TMEM272: variants seen among roughly 807,000 people sequenced by gnomAD.
The protein encoded by TMEM272 is transmembrane protein 272.
In TMEM272, 8 loss-of-function variants were observed where a neutral mutation model predicts 3.7. The ratio of observed to expected loss-of-function variants is 2.17; its 90% CI spans 1.27 to 3.91. TMEM272 has a LOEUF of 3.91. TMEM272 is among the 30% of genes most tolerant of loss of function. The probability of loss-of-function intolerance (pLI) is 0.00; values close to 1 mark genes in which losing one functional copy is unlikely to be tolerated. For synonymous variants in TMEM272, 63 were observed against 39.8 expected (o/e 1.58, Z -2.20); for missense variants, 166 against 91.5 (o/e 1.81, Z -3.32).
the TMEM272 span, among the ~76,000 whole-genome samples, chr13:51,927,446 A>T: frequency 1.3e-5 from 2 of 152,226 alleles, no homozygotes; most frequent in Non-Finnish European, 2.9e-5. Flanking sequence ...TTCTTTAGGA[A>T]TTCATATCTA....
At chr13:51,860,802 AAAAT>A in the TMEM272 span, among the ~76,000 whole-genome samples, 356 of 142,554 alleles carry the variant, frequency 2.5e-3, 1 homozygote, top group Non-Finnish European at 4.3e-3. Context: ...ATATATAGAA[AAAAT>A]ATATATATAG....
Position 51,817,807 on chromosome 13 carries a change from A to T in TMEM272, c.202-694T>A, listed in dbSNP as rs983590203. On this transcript the variant is annotated intron_variant, in intron 4 of 4. Transcript: ENST00000629372. ...TGGGAGTGATACTCTTGGGGGACAGACCATCTGGGCCCCTGGTAGATGGTC... is the reference window on the plus strand; with the variant it reads ...TGGGAGTGATACTCTTGGGGGACAGTCCATCTGGGCCCCTGGTAGATGGTC... Among the ~76,000 whole-genome samples the T allele has an allele frequency of 3.9e-5, 6 of 152,094 alleles. No individual in the cohort carries two copies. The South Asian group carries it at 1.2e-3, about 32-fold the overall frequency.
the TMEM272 span, among the ~76,000 whole-genome samples, chr13:51,880,650 T>C: frequency 6.6e-6 from 1 of 152,204 alleles, no homozygotes; most frequent in Non-Finnish European, 1.5e-5. Context: ...CATATGCTAA[T>C]GACTAAAAGG....
chr13:51,847,054 C>A (rs1404431546), upstream of TMEM272, among the ~76,000 whole-genome samples: 1 of 152,120 alleles, frequency 6.6e-6, no homozygotes, highest in Non-Finnish European at 1.5e-5. Flanking sequence ...ATTTTTTAAT[C>A]CTTCATATCC....
the TMEM272 span, among the ~76,000 whole-genome samples, chr13:51,874,534 G>A: frequency 0.017 from 2,535 of 152,228 alleles, 79 homozygotes; most frequent in African/African-American, 0.059. Context: ...GCCACAGTAG[G>A]CGCTTCTCAT....
the TMEM272 span, among the ~76,000 whole-genome samples, chr13:51,854,555 T>C: frequency 6.6e-6 from 1 of 152,216 alleles, no homozygotes; most frequent in South Asian, 2.1e-4. Context: ...GCCTATGTTA[T>C]TATAGTAACC....
the TMEM272 span, among the ~76,000 whole-genome samples, chr13:51,889,382 T>C: frequency 6.6e-6 from 1 of 152,112 alleles, no homozygotes; most frequent in African/African-American, 2.4e-5. Flanking sequence ...AATGAGGTCA[T>C]AAGGGTGAGA....
the TMEM272 span, among the ~76,000 whole-genome samples, chr13:51,911,808 C>T: frequency 7.2e-5 from 11 of 152,096 alleles, no homozygotes; most frequent in African/African-American, 1.9e-4. Context: ...TAAACTTGCC[C>T]GAGACAGAGC....
the TMEM272 span, among the ~76,000 whole-genome samples, chr13:51,927,958 G>C: frequency 6.6e-6 from 1 of 152,020 alleles, no homozygotes; most frequent in African/African-American, 2.4e-5. Flanking sequence ...TTCCTTGAGG[G>C]GTACAGTCGG....
chr13:51,896,260 G>A, the TMEM272 span, among the ~76,000 whole-genome samples: 1 of 152,210 alleles, frequency 6.6e-6, no homozygotes, highest in Non-Finnish European at 1.5e-5. Flanking sequence ...ATCGGGGACA[G>A]CTTGGTGAAT....
chr13:51,854,682 T>C, the TMEM272 span, among the ~76,000 whole-genome samples: 2 of 152,220 alleles, frequency 1.3e-5, no homozygotes, highest in African/African-American at 4.8e-5. Context: ...CTTCTTCATA[T>C]GTGAAATGGA....
At chr13:51,919,718 C>T in the TMEM272 span, among the ~76,000 whole-genome samples, 1 of 152,198 alleles carries the variant, frequency 6.6e-6, no homozygotes, top group Non-Finnish European at 1.5e-5. Flanking sequence ...CGGCTGTGTC[C>T]CGAGCAAACG....
chr13:51,933,778 G>A, the TMEM272 span: 3 of 152,140 alleles, frequency 2.0e-5, no homozygotes, highest in Non-Finnish European at 2.9e-5. Flanking sequence ...GACTGAAAAC[G>A]AAGCCCCTTG....
chr13:51,850,614 T>G, the TMEM272 span, among the ~76,000 whole-genome samples: 1 of 152,218 alleles, frequency 6.6e-6, no homozygotes, highest in African/African-American at 2.4e-5. Flanking sequence ...GGGTATGCAT[T>G]GCTTCTGTGA....
At chr13:51,828,177 A>C (rs1956143918) in intron 2 of TMEM272, among the ~76,000 whole-genome samples, 1 of 152,192 alleles carries the variant, frequency 6.6e-6, no homozygotes, top group Admixed American at 6.5e-5. Flanking sequence ...GGAGCCAATA[A>C]ATCCCCTTTA....
At chr13:51,867,457 G>C in the TMEM272 span, among the ~76,000 whole-genome samples, 1 of 152,194 alleles carries the variant, frequency 6.6e-6, no homozygotes, top group East Asian at 1.9e-4. Flanking sequence ...AGTACACTAG[G>C]ATTTCACAGT....
At chr13:51,874,478 A>C in the TMEM272 span, among the ~76,000 whole-genome samples, 2 of 152,152 alleles carry the variant, frequency 1.3e-5, no homozygotes, top group Non-Finnish European at 2.9e-5. Flanking sequence ...GAATGAAGGA[A>C]AGAATATTTG....
chr13:51,912,363 G>A, the TMEM272 span, among the ~76,000 whole-genome samples: 11 of 152,076 alleles, frequency 7.2e-5, no homozygotes, highest in African/African-American at 1.9e-4. Flanking sequence ...AGCCTTCTCC[G>A]TATCACGTGG....
At chr13:51,924,117 C>CA in the TMEM272 span, among the ~76,000 whole-genome samples, 4 of 152,360 alleles carry the variant, frequency 2.6e-5, no homozygotes, top group African/African-American at 9.6e-5. Flanking sequence ...TCCCACCTTA[C>CA]AGCTGCTTCT....
Sources: gnomAD v4.1 joint callset for allele counts (sites outside exome capture counted in the v4.1 genomes callset) on GRCh38, gnomAD v4.1.1 for gene constraint, MANE v1.5 for transcripts, NCBI Gene and HGNC (gene_info 2026-07-23, HGNC 2026-07-21) for gene names.